MCTP2: variants seen among roughly 807,000 people sequenced by gnomAD.
MCTP2 encodes the protein multiple C2 and transmembrane domain containing 2.
MCTP2 carries 132 observed loss-of-function variants against 111.6 expected under a neutral mutation model. The ratio of observed to expected loss-of-function variants is 1.18; its 90% confidence interval spans 1.03 to 1.37. MCTP2 has a LOEUF of 1.37. MCTP2 is among the 40% of genes most tolerant of loss of function. MCTP2 has a pLI of 0.00. For synonymous variants in MCTP2, 395 were observed against 387.7 expected, an observed-to-expected ratio of 1.02 and a Z score of -0.22; for missense variants, 1,183 against 1,067.9, an observed-to-expected ratio of 1.11 and a Z score of -1.50.
chr15:94,284,260 C>T (rs915124365), intron 1 of MCTP2, among the ~76,000 whole-genome samples: 1 of 152,204 alleles, frequency 6.6e-6, no homozygotes, highest in Non-Finnish European at 1.5e-5. Flanking sequence ...CTACCATGGC[C>T]ATTTTAACAA....
At chr15:94,286,031 T>G (rs558015261) in intron 1 of MCTP2, among the ~76,000 whole-genome samples, 1 of 152,182 alleles carries the variant, frequency 6.6e-6, no homozygotes, top group South Asian at 2.1e-4. Context: ...ACACATTTAG[T>G]AAAAAGTTGA....
intron 1 of MCTP2, among the ~76,000 whole-genome samples, chr15:94,243,266 C>T (rs895159982): frequency 1.3e-5 from 2 of 148,184 alleles, no homozygotes; most frequent in Non-Finnish European, 3.0e-5. Flanking sequence ...TACATACATA[C>T]GTATGCGTAC....
At chr15:94,461,426 C>T (rs2085199384) in intron 20 of MCTP2, among the ~76,000 whole-genome samples, 1 of 152,164 alleles carries the variant, frequency 6.6e-6, no homozygotes, top group Admixed American at 6.5e-5. Flanking sequence ...CACCACCACA[C>T]TACAGCCTGG....
chr15:94,409,640 G>A (rs1356348728), intron 17 of MCTP2, among the ~76,000 whole-genome samples: 1 of 151,974 alleles, frequency 6.6e-6, no homozygotes, highest in Non-Finnish European at 1.5e-5. Context: ...AGGTCGTGTA[G>A]CAACTTAATG....
At chr15:94,455,823 T>G (rs887924960) in intron 19 of MCTP2, among the ~76,000 whole-genome samples, 9 of 152,122 alleles carry the variant, frequency 5.9e-5, no homozygotes, top group African/African-American at 2.2e-4. Flanking sequence ...TCGTGCAATA[T>G]TAGAAATAAA....
intron 13 of MCTP2, 51 bp from the exon 14 acceptor site, chr15:94,385,372 C>A: frequency 8.1e-7 from 1 of 1,229,582 alleles, no homozygotes; most frequent in Non-Finnish European, 1.2e-6. Context: ...CTTCATGGAA[C>A]AGACTTCACT....
At chr15:94,406,626 T>C (rs928977724) in intron 17 of MCTP2, among the ~76,000 whole-genome samples, 1 of 152,202 alleles carries the variant, frequency 6.6e-6, no homozygotes, top group Non-Finnish European at 1.5e-5. Context: ...AACATGGAAA[T>C]GCCCAGCCCC....
rs541471298 is a variant in MCTP2 at position 94,356,411 on chromosome 15, C to T, written c.1170+110C>T. ...AAGTAGAAGTAATTTATGTTCAGCC[C>T]GCCTAACTATATTAAAGAGCAGAAA... On this transcript the variant is annotated intron_variant, in intron 9 of 22. Transcript: ENST00000357742. The T allele has an allele frequency of 1.6e-4, 157 of 1,001,034 alleles. 2 individuals carry two copies. The highest frequency in any genetic ancestry group is 1.5e-3 in the South Asian group (68 of 45,808). 62.0% of individuals were successfully genotyped at this position (1,001,034 alleles called of 1,614,324 possible).
intron 11 of MCTP2, among the ~76,000 whole-genome samples, chr15:94,368,164 A>G (rs1436957021): frequency 1.3e-5 from 2 of 152,188 alleles, no homozygotes; most frequent in Non-Finnish European, 2.9e-5. Flanking sequence ...AATGGTTGCA[A>G]TGTTATGGAT....
chr15:94,243,975 A>G (rs556825297), intron 1 of MCTP2, among the ~76,000 whole-genome samples: 17 of 147,762 alleles, frequency 1.2e-4, no homozygotes, highest in East Asian at 4.1e-4. Flanking sequence ...ACACATATGT[A>G]TACACATACA....
intron 1 of MCTP2, among the ~76,000 whole-genome samples, chr15:94,289,414 T>C (rs8040608): frequency 0.22 from 33,368 of 151,880 alleles, 4,190 homozygotes; most frequent in African/African-American, 0.33. Flanking sequence ...TATTCTCAGA[T>C]TGGGAAAAAC....
intron 4 of MCTP2, among the ~76,000 whole-genome samples, chr15:94,316,309 T>C (rs2076375565): frequency 6.6e-6 from 1 of 152,246 alleles, no homozygotes; most frequent in Non-Finnish European, 1.5e-5. Context: ...GCTGTTTTTT[T>C]CCTTCTGTCT....
At chr15:94,248,547 G>A (rs1273267903) in intron 1 of MCTP2, among the ~76,000 whole-genome samples, 3 of 152,108 alleles carry the variant, frequency 2.0e-5, no homozygotes, top group Non-Finnish European at 4.4e-5. Flanking sequence ...TTCCTTTGAC[G>A]CTTAAAATAT....
chr15:94,409,528 C>T (rs758507414), intron 17 of MCTP2, among the ~76,000 whole-genome samples: 3 of 152,064 alleles, frequency 2.0e-5, no homozygotes, highest in Non-Finnish European at 2.9e-5. Context: ...TTGTCTTTTA[C>T]AGATCCCAAG....
At position 94,266,649 on chromosome 15, in the gene MCTP2, C is replaced by T. The variant is rs144534670; in HGVS notation, c.-65-31552C>T. ...CTGTAGTTGGGCGGTAGGTGAACAG[C>T]AGAGAAGGAAACGAAGGGTATCAGA... On this transcript the variant is annotated intron_variant, in intron 1 of 22. Transcript: ENST00000357742. 2.1e-3 allele frequency among the ~76,000 whole-genome samples: 325 copies of T among 152,226 alleles called. 1 individual carries two copies. The highest frequency in any genetic ancestry group is 7.8e-3 in the African/African-American group (323 of 41,546).
intron 4 of MCTP2, among the ~76,000 whole-genome samples, chr15:94,327,502 A>G (rs1009446993): frequency 1.6e-4 from 25 of 152,164 alleles, no homozygotes. Flanking sequence ...TTTATTTTGC[A>G]ACATTTGGGA....
At chr15:94,345,884 A>G (rs568265112) in intron 8 of MCTP2, among the ~76,000 whole-genome samples, 20 of 152,314 alleles carry the variant, frequency 1.3e-4, no homozygotes, top group African/African-American at 4.6e-4. Flanking sequence ...CTACGAAATG[A>G]TGCAGTATTT....
At chr15:94,286,300 G>A (rs1308830177) in intron 1 of MCTP2, among the ~76,000 whole-genome samples, 3 of 151,966 alleles carry the variant, frequency 2.0e-5, no homozygotes, top group South Asian at 2.1e-4. Context: ...TTTATCATAA[G>A]GTAGGCATAC....
chr15:94,339,791 G>A (rs2077539941), intron 5 of MCTP2, among the ~76,000 whole-genome samples: 1 of 152,128 alleles, frequency 6.6e-6, no homozygotes, highest in Non-Finnish European at 1.5e-5. Context: ...TACAACATCT[G>A]GGTTAAAACT....
Sources: gnomAD v4.1 joint callset for allele counts (sites outside exome capture counted in the v4.1 genomes callset) on GRCh38, gnomAD v4.1.1 for gene constraint, MANE v1.5 for transcripts, NCBI Gene and HGNC (gene_info 2026-07-23, HGNC 2026-07-21) for gene names.